Variants in CNTNAP2 observed in about 807,000 individuals in gnomAD.
CNTNAP2 encodes the protein contactin associated protein 2, also known as contactin-associated protein-like 2.
CNTNAP2 carries 98 observed loss-of-function variants against 155.2 expected under a neutral mutation model. The ratio of observed to expected loss-of-function variants is 0.63; its 90% CI spans 0.54 to 0.75. The LOEUF (loss-of-function observed/expected upper bound fraction) is 0.75, where lower values mean the gene tolerates loss of function less well. Among genes scored for constraint, CNTNAP2 ranks in the 30% least tolerant of loss-of-function variants. CNTNAP2 has a pLI of 0.00. For synonymous variants in CNTNAP2, 651 were observed against 631.2 expected, an observed-to-expected ratio of 1.03 and a Z score of -0.47; for missense variants, 1,727 against 1,688.1, an observed-to-expected ratio of 1.02 and a Z score of -0.40.
At chr7:147,239,998 A>G (rs1803901932) in intron 8 of CNTNAP2, among the ~76,000 whole-genome samples, 1 of 152,180 alleles carries the variant, frequency 6.6e-6, no homozygotes, top group Non-Finnish European at 1.5e-5. Flanking sequence ...TGGTGTATCC[A>G]TCCTGCAAGT....
At chr7:147,153,844 T>C (rs7799140) in intron 8 of CNTNAP2, among the ~76,000 whole-genome samples, 1 of 151,914 alleles carries the variant, frequency 6.6e-6, no homozygotes, top group African/African-American at 2.4e-5. Flanking sequence ...TCAAATCCAG[T>C]AATAGAAACA....
intron 2 of CNTNAP2, among the ~76,000 whole-genome samples, chr7:146,820,082 GT>G (rs1803248263): frequency 6.6e-6 from 1 of 152,174 alleles, no homozygotes; most frequent in Non-Finnish European, 1.5e-5. Flanking sequence ...ATTTCGAGCA[GT>G]GCTCATTGAG....
intron 9 of CNTNAP2, among the ~76,000 whole-genome samples, chr7:147,333,689 G>T (rs368424755): frequency 8.0e-4 from 121 of 152,066 alleles, no homozygotes; most frequent in African/African-American, 2.9e-3. Flanking sequence ...CAAAACAATT[G>T]GTTAATAGAT....
chr7:147,121,110 A>G lies in CNTNAP2; in HGVS notation c.886A>G (p.Met296Val). ...CATTAACCTCACTCTGGACAGGAGC[A>G]TGCAGCACTTCCGTACCAATGGAGA... ...RSINLTLDRSMQHFRTNGEFD... is the reference protein window; with the variant it reads ...RSINLTLDRSVQHFRTNGEFD... Residue 296 changes from methionine to valine, a missense_variant, in exon 6 of 24, where the codon ATG becomes GTG. Met to Val is a conservative substitution (Grantham distance 21). Transcript: ENST00000361727. 6.2e-7 allele frequency: 1 copy of G among 1,614,188 alleles called. No individual in the cohort carries two copies. The highest frequency in any genetic ancestry group is 8.5e-7 in the Non-Finnish European group (1 of 1,180,018).
intron 8 of CNTNAP2, among the ~76,000 whole-genome samples, chr7:147,189,289 T>C (rs1180158105): frequency 6.6e-6 from 1 of 152,194 alleles, no homozygotes; most frequent in East Asian, 1.9e-4. Flanking sequence ...AACATTAATA[T>C]TACGTTTTGA....
chr7:146,699,860 C>G (rs746187008), intron 1 of CNTNAP2, among the ~76,000 whole-genome samples: 1 of 152,034 alleles, frequency 6.6e-6, no homozygotes, highest in African/African-American at 2.4e-5. Context: ...TTCAGCGACT[C>G]GGAAGGCTGA....
chr7:146,845,045 C>T (rs768817), intron 3 of CNTNAP2, among the ~76,000 whole-genome samples: 49,015 of 151,852 alleles, frequency 0.32, 8,404 homozygotes, highest in African/African-American at 0.46. Context: ...CCTAGATCTC[C>T]TTGTCACATA....
At chr7:146,339,214 G>A (rs1801331495) in intron 1 of CNTNAP2, among the ~76,000 whole-genome samples, 1 of 152,018 alleles carries the variant, frequency 6.6e-6, no homozygotes, top group South Asian at 2.1e-4. Context: ...TGTCTCCATA[G>A]AATCTAGTAT....
intron 1 of CNTNAP2, among the ~76,000 whole-genome samples, chr7:146,656,413 TA>T (rs1293473344): frequency 6.6e-6 from 1 of 152,202 alleles, no homozygotes; most frequent in Non-Finnish European, 1.5e-5. Flanking sequence ...TTTGAAACAG[TA>T]TATCTGTGAA....
chr7:146,698,676 G>A (rs1034262427), intron 1 of CNTNAP2, among the ~76,000 whole-genome samples: 5 of 152,018 alleles, frequency 3.3e-5, no homozygotes, highest in African/African-American at 4.8e-5. Context: ...ATTCGAAAAA[G>A]CATCAGCATT....
chr7:146,353,886 T>G (rs755005432), intron 1 of CNTNAP2, among the ~76,000 whole-genome samples: 4 of 152,270 alleles, frequency 2.6e-5, no homozygotes, highest in Non-Finnish European at 4.4e-5. Context: ...TTATTTAAAT[T>G]GATTTACAAT....
intron 1 of CNTNAP2, among the ~76,000 whole-genome samples, chr7:146,548,402 T>G (rs1456784225): frequency 1.3e-5 from 2 of 152,000 alleles, no homozygotes; most frequent in Non-Finnish European, 2.9e-5. Flanking sequence ...GGTCTTTGCT[T>G]TTGTGAATAG....
intron 20 of CNTNAP2, among the ~76,000 whole-genome samples, chr7:148,257,281 T>C (rs1032029800): frequency 6.6e-6 from 1 of 152,198 alleles, no homozygotes; most frequent in Non-Finnish European, 1.5e-5. Flanking sequence ...TTCGGTTAAC[T>C]TTCCCTTCGT....
At chr7:147,477,827 C>G (rs1300210211) in intron 10 of CNTNAP2, among the ~76,000 whole-genome samples, 1 of 152,126 alleles carries the variant, frequency 6.6e-6, no homozygotes, top group Non-Finnish European at 1.5e-5. Context: ...AAACCATAAT[C>G]AAATGGCAGA....
intron 15 of CNTNAP2, among the ~76,000 whole-genome samples, chr7:147,988,959 A>G (rs11980845): frequency 0.026 from 4,024 of 152,262 alleles, 183 homozygotes; most frequent in African/African-American, 0.092. Flanking sequence ...GAAAAACGAG[A>G]CATGGCTCTG....
chr7:146,509,486 G>T (rs1012476331), intron 1 of CNTNAP2, among the ~76,000 whole-genome samples: 1 of 152,170 alleles, frequency 6.6e-6, no homozygotes, highest in African/African-American at 2.4e-5. Context: ...CTCCGTTGGG[G>T]TATAGGCAGT....
intron 4 of CNTNAP2, among the ~76,000 whole-genome samples, chr7:147,083,582 A>G (rs921273201): frequency 6.9e-6 from 1 of 145,416 alleles, no homozygotes; most frequent in African/African-American, 2.5e-5. Flanking sequence ...ATATGTATAT[A>G]TATATACACA....
intron 3 of CNTNAP2, among the ~76,000 whole-genome samples, chr7:146,988,605 G>A (rs1402618456): frequency 6.6e-6 from 1 of 152,096 alleles, no homozygotes; most frequent in Admixed American, 6.6e-5. Context: ...GCTTTATAAA[G>A]GATCAGTTAT....
At chr7:146,221,471 A>T (rs528642368) in intron 1 of CNTNAP2, among the ~76,000 whole-genome samples, 3 of 152,290 alleles carry the variant, frequency 2.0e-5, no homozygotes, top group Non-Finnish European at 2.9e-5. Flanking sequence ...ACTGCTTCAG[A>T]TCCTTGTCTT....
Sources: allele counts gnomAD v4.1 joint callset (sites outside exome capture counted in the v4.1 genomes callset), GRCh38; gene constraint gnomAD v4.1.1; transcripts MANE v1.5; gene names NCBI Gene and HGNC (gene_info 2026-07-23, HGNC 2026-07-21).